Variants in PCMTD1 observed in about 807,000 individuals in gnomAD.
PCMTD1 encodes the protein protein-L-isoaspartate (D-aspartate) O-methyltransferase domain containing 1.
PCMTD1 carries 12 observed loss-of-function variants against 37.6 expected under a neutral mutation model. The ratio of observed to expected loss-of-function variants is 0.32; its 90% CI spans 0.20 to 0.52. The LOEUF is 0.52. PCMTD1 is among the 20% of genes least tolerant of loss of function. The probability of loss-of-function intolerance (pLI) is 0.97; values close to 1 mark genes in which losing one functional copy is unlikely to be tolerated. For missense variants in PCMTD1, 235 were observed against 421.3 expected, an observed-to-expected ratio of 0.56 and a Z score of 3.87; for synonymous variants, 117 against 135.8, an observed-to-expected ratio of 0.86 and a Z score of 0.96.
Position 51,819,594 on chromosome 8 carries a change from TAAG to T in PCMTD1, c.*754_*756del. ...ATATACTTTTAAAATTCTATAGAGT[TAAG>T]ATAACCTCATTTTTTTAAATACTGA... On this transcript the variant is annotated 3_prime_UTR_variant, in exon 6 of 6. Transcript: ENST00000522514. 1 of 152,154 alleles carries T rather than the reference TAAG, an allele frequency of 6.6e-6. No individual in the cohort carries two copies. The highest frequency in any genetic ancestry group is 1.5e-5 in the Non-Finnish European group (1 of 67,672). The allele number at this position is 152,154 out of a possible 1,614,324, so 9.4% of individuals were successfully genotyped here.
chr8:51,841,301 A>G (rs890208166), intron 3 of PCMTD1, among the ~76,000 whole-genome samples: 1 of 152,192 alleles, frequency 6.6e-6, no homozygotes, highest in Non-Finnish European at 1.5e-5. Flanking sequence ...TTCATTACTC[A>G]TATCATGACT....
intron 1 of PCMTD1, among the ~76,000 whole-genome samples, chr8:51,862,479 A>C (rs2038488402): frequency 6.6e-6 from 1 of 152,242 alleles, no homozygotes; most frequent in African/African-American, 2.4e-5. Flanking sequence ...CATAATACTG[A>C]ATATACAATT....
chr8:51,857,273 T>C (rs1326393905), intron 2 of PCMTD1, among the ~76,000 whole-genome samples: 1 of 152,220 alleles, frequency 6.6e-6, no homozygotes, highest in Non-Finnish European at 1.5e-5. Context: ...TGGATGGCAC[T>C]AGCAGTCTCC....
At chr8:51,857,704 T>C (rs2038411989) in intron 2 of PCMTD1, among the ~76,000 whole-genome samples, 1 of 152,230 alleles carries the variant, frequency 6.6e-6, no homozygotes, top group African/African-American at 2.4e-5. Flanking sequence ...ATGAATTATC[T>C]TCAATTTGAA....
intron 3 of PCMTD1, among the ~76,000 whole-genome samples, chr8:51,834,892 T>C (rs577093608): frequency 6.6e-6 from 1 of 152,308 alleles, no homozygotes; most frequent in East Asian, 1.9e-4. Flanking sequence ...AGGGTGTCCC[T>C]GTACTATTGT....
chr8:51,831,356 C>G, intron 5 of PCMTD1, 88 bp downstream of exon 5: 1 of 1,273,682 alleles, frequency 7.9e-7, no homozygotes, highest in Middle Eastern at 2.9e-4. Context: ...GTATTTAATT[C>G]TTCATAATTA....
intron 2 of PCMTD1, among the ~76,000 whole-genome samples, chr8:51,857,461 T>C (rs1263196741): frequency 2.0e-5 from 3 of 152,234 alleles, no homozygotes; most frequent in Admixed American, 1.3e-4. Context: ...AATCCCTACC[T>C]GAATCACAAA....
chr8:51,866,513 G>T (rs2038557478), intron 1 of PCMTD1, among the ~76,000 whole-genome samples: 1 of 151,796 alleles, frequency 6.6e-6, no homozygotes, highest in African/African-American at 2.4e-5. Flanking sequence ...AGGATACCAA[G>T]AACACACCAT....
chr8:51,850,992 A>T (rs757943708), intron 2 of PCMTD1, among the ~76,000 whole-genome samples: 5 of 152,226 alleles, frequency 3.3e-5, no homozygotes, highest in Non-Finnish European at 7.3e-5. Context: ...GGAGGAAAGC[A>T]ATCGGCGAAA....
chr8:51,885,236 T>C (rs114914525), intron 1 of PCMTD1, among the ~76,000 whole-genome samples: 3,780 of 152,272 alleles, frequency 0.025, 161 homozygotes, highest in African/African-American at 0.086. Context: ...CTCTCATCCT[T>C]TTAACTTTAA....
At chr8:51,843,128 A>G (rs181534926) in intron 3 of PCMTD1, among the ~76,000 whole-genome samples, 1 of 152,056 alleles carries the variant, frequency 6.6e-6, no homozygotes, top group Admixed American at 6.6e-5. Context: ...ATGTAAGAAC[A>G]ATATCATTTT....
At chr8:51,877,288 A>G (rs2038726431) in intron 1 of PCMTD1, among the ~76,000 whole-genome samples, 1 of 152,176 alleles carries the variant, frequency 6.6e-6, no homozygotes, top group Non-Finnish European at 1.5e-5. Context: ...AGGACCTTAC[A>G]TTTTATATCT....
At chr8:51,874,166 AG>A (rs1160031319) in intron 1 of PCMTD1, among the ~76,000 whole-genome samples, 1 of 152,176 alleles carries the variant, frequency 6.6e-6, no homozygotes, top group African/African-American at 2.4e-5. Flanking sequence ...CCAAATGCTC[AG>A]GTATTTCTCT....
chr8:51,884,673 G>A (rs968890552), intron 1 of PCMTD1, among the ~76,000 whole-genome samples: 5 of 152,192 alleles, frequency 3.3e-5, no homozygotes, highest in African/African-American at 9.7e-5. Flanking sequence ...TCCCCAGCAC[G>A]AGGATGCTGC....
chr8:51,831,356 C>A, intron 5 of PCMTD1, 88 bp downstream of exon 5: 1 of 1,273,682 alleles, frequency 7.9e-7, no homozygotes, highest in Non-Finnish European at 1.1e-6. Context: ...GTATTTAATT[C>A]TTCATAATTA....
At chr8:51,876,439 T>C (rs1409035456) in intron 1 of PCMTD1, among the ~76,000 whole-genome samples, 1 of 152,174 alleles carries the variant, frequency 6.6e-6, no homozygotes, top group Non-Finnish European at 1.5e-5. Flanking sequence ...TATACATATT[T>C]TTCCTTGCTT....
Position 51,884,539 on chromosome 8 carries a change from T to C in PCMTD1, c.-96+14391A>G, listed in dbSNP as rs147288056. 7.4e-4 allele frequency among the ~76,000 whole-genome samples: 113 copies of C among 152,258 alleles called. 1 individual carries two copies. The highest frequency in any genetic ancestry group is 2.6e-3 in the African/African-American group (106 of 41,546). ...CCACCAGGGATTAGGCACAAAGAAA[T>C]AGTCTTTTTAATACCCACTGTCTCA... On this transcript the variant is annotated intron_variant, in intron 1 of 5. Transcript: ENST00000522514.
chr8:51,872,032 T>C (rs563519340), intron 1 of PCMTD1, among the ~76,000 whole-genome samples: 24 of 152,202 alleles, frequency 1.6e-4, no homozygotes, highest in Admixed American at 3.9e-4. Flanking sequence ...TTGGAAACAG[T>C]GTGAACTCCA....
At chr8:51,854,566 C>T (rs1347545211) in intron 2 of PCMTD1, among the ~76,000 whole-genome samples, 1 of 152,106 alleles carries the variant, frequency 6.6e-6, no homozygotes, top group Non-Finnish European at 1.5e-5. Flanking sequence ...GCTCACAGAG[C>T]CCCAAATAAA....
Sources: gnomAD v4.1 joint callset for allele counts (sites outside exome capture counted in the v4.1 genomes callset) on GRCh38, gnomAD v4.1.1 for gene constraint, MANE v1.5 for transcripts, NCBI Gene and HGNC (gene_info 2026-07-23, HGNC 2026-07-21) for gene names.